PCDHGA1: variants seen among roughly 807,000 people sequenced by gnomAD.
PCDHGA1 encodes protocadherin gamma subfamily A, 1, also known as protocadherin gamma-A1.
In PCDHGA1, 32 loss-of-function variants were observed where a neutral mutation model predicts 58.0. That is an observed-to-expected ratio of 0.55 (90% CI 0.42 to 0.74). The LOEUF (loss-of-function observed/expected upper bound fraction) is 0.74. Among genes scored for constraint, PCDHGA1 ranks in the 30% least tolerant of loss-of-function variants. PCDHGA1 has a pLI of 0.00. For missense variants in PCDHGA1, 1,205 were observed against 1,182.3 expected (o/e 1.02, Z -0.28); for synonymous variants, 498 against 501.1 (o/e 0.99, Z 0.08).
At chr5:141,478,941 A>C (rs889484528) in intron 1 of PCDHGA1, 9 of 589,470 alleles carry the variant, frequency 1.5e-5, no homozygotes, top group Non-Finnish European at 2.0e-5. Context: ...TTCTAGGAAT[A>C]CAAAAACTAC....
intron 1 of PCDHGA1, chr5:141,377,686 C>T (rs766172227): frequency 1.1e-4 from 16 of 151,986 alleles, no homozygotes; most frequent in African/African-American, 2.9e-4. Context: ...AGATCTTTCA[C>T]CTTTACTACT....
intron 1 of PCDHGA1, chr5:141,356,437 G>C (rs1760223098): frequency 6.2e-7 from 1 of 1,611,268 alleles, no homozygotes; most frequent in Non-Finnish European, 8.5e-7. Context: ...ACTGGACAGG[G>C]AAGAAGTCTC....
intron 1 of PCDHGA1, chr5:141,414,906 A>C (rs749933537): frequency 6.2e-7 from 1 of 1,614,146 alleles, no homozygotes; most frequent in Admixed American, 1.7e-5. Context: ...ACGGTTCCAC[A>C]GGCGTGGAGC....
At chr5:141,333,344 G>T in intron 1 of PCDHGA1, 1 of 645,766 alleles carries the variant, frequency 1.5e-6, no homozygotes, top group East Asian at 2.8e-5. Context: ...TTGAAGGTAT[G>T]TGTGAGATGC....
At chr5:141,495,286 A>T (rs1341490472) in intron 2 of PCDHGA1, among the ~76,000 whole-genome samples, 2 of 152,088 alleles carry the variant, frequency 1.3e-5, no homozygotes, top group Non-Finnish European at 2.9e-5. Context: ...GGCGGTCCGC[A>T]CTCAGCGCCT....
At chr5:141,481,180 T>C (rs1354907506) in intron 1 of PCDHGA1, among the ~76,000 whole-genome samples, 1 of 152,236 alleles carries the variant, frequency 6.6e-6, no homozygotes, top group Admixed American at 6.5e-5. Flanking sequence ...CCAGCTTTAT[T>C]GGGCCAGGCC....
chr5:141,426,768 G>A (rs2096959269), intron 1 of PCDHGA1: 1 of 456,516 alleles, frequency 2.2e-6, no homozygotes, highest in Non-Finnish European at 4.4e-6. Flanking sequence ...TGCAGATGTA[G>A]GGCCTCACTC....
chr5:141,384,533 A>C, intron 1 of PCDHGA1: 2 of 1,614,240 alleles, frequency 1.2e-6, no homozygotes. Flanking sequence ...CTCAGCAGCA[A>C]CATGTCACTG....
At chr5:141,458,081 GTAAGT>G (rs2098936973) in intron 1 of PCDHGA1, among the ~76,000 whole-genome samples, 1 of 152,186 alleles carries the variant, frequency 6.6e-6, no homozygotes, top group Non-Finnish European at 1.5e-5. Context: ...CTATATTGCC[GTAAGT>G]TAAGAGTACT....
chr5:141,370,215 C>T (rs1430823989), intron 1 of PCDHGA1: 3 of 566,618 alleles, frequency 5.3e-6, no homozygotes, highest in East Asian at 5.9e-5. Flanking sequence ...TTGGCTCCTC[C>T]CGCTGCAGCC....
At chr5:141,414,699 C>T (rs2095778847) in intron 1 of PCDHGA1, 2 of 1,613,952 alleles carry the variant, frequency 1.2e-6, no homozygotes, top group Non-Finnish European at 1.7e-6. Context: ...TGTCCTCATA[C>T]ATATCCATCA....
chr5:141,490,612 C>G lies in PCDHGA1; in HGVS notation c.2422-4195C>G, dbSNP rs1393568166. ...CAATGCACCCCGCTTCAACCAGCAG[C>G]TTTACACTGCTTACATCCTAGAAAA... On this transcript the variant is annotated intron_variant, in intron 1 of 3. Coordinates refer to ENST00000517417, the MANE Select transcript of PCDHGA1 (RefSeq NM_018912.3). This position sits in a 1 kb window ranked among gnomAD's most constrained non-coding sequence, Gnocchi z 5.4. The G allele has an allele frequency of 6.2e-7, 1 of 1,614,082 alleles. No homozygotes were observed. Among genetic ancestry groups the G allele is most frequent in the Non-Finnish European group, 8.5e-7 (1 of 1,180,032 alleles).
At chr5:141,415,015 A>C (rs2095814085) in intron 1 of PCDHGA1, 1 of 1,613,598 alleles carries the variant, frequency 6.2e-7, no homozygotes, top group East Asian at 2.2e-5. Flanking sequence ...CCGTCTGCTC[A>C]AGGCCAGCGA....
chr5:141,438,627 T>TAC (rs2098030812), intron 1 of PCDHGA1, among the ~76,000 whole-genome samples: 3 of 48,012 alleles, frequency 6.2e-5, no homozygotes, highest in Non-Finnish European at 1.0e-4. Flanking sequence ...TATATATATA[T>TAC]ATATATATAC....
intron 1 of PCDHGA1, chr5:141,341,614 G>A: frequency 1.1e-6 from 1 of 919,268 alleles, no homozygotes; most frequent in Non-Finnish European, 1.6e-6. Context: ...TAAACCAGGA[G>A]TTAATAGATA....
At position 141,379,535 on chromosome 5, in the gene PCDHGA1, G is replaced by A. The variant is rs1035667412; in HGVS notation, c.2421+46430G>A. On this transcript the variant is annotated intron_variant, in intron 1 of 3. Coordinates refer to ENST00000517417, the MANE Select transcript of PCDHGA1 (RefSeq NM_018912.3). ...ACATCTTGAGCATTTGTTGTTATAGGGAAAGCTCACTAACTACTTTTCATG... is the reference window on the plus strand; with the variant it reads ...ACATCTTGAGCATTTGTTGTTATAGAGAAAGCTCACTAACTACTTTTCATG... 103 of 152,098 alleles carry A rather than the reference G, an allele frequency of 6.8e-4. 1 individual carries two copies. Among genetic ancestry groups the A allele is most frequent in the African/African-American group, 2.4e-3 (101 of 41,410 alleles). 9.4% of individuals were successfully genotyped at this position (152,098 alleles called of 1,614,324 possible).
At chr5:141,387,274 AT>A (rs2090884370) in intron 1 of PCDHGA1, among the ~76,000 whole-genome samples, 1 of 152,244 alleles carries the variant, frequency 6.6e-6, no homozygotes, top group South Asian at 2.1e-4. Context: ...GTTAGGAACA[AT>A]GAAAGAAAGA....
chr5:141,505,381 C>T lies in PCDHGA1; in HGVS notation c.2481-12C>T. On this transcript the variant is annotated splice_polypyrimidine_tract_variant and intron_variant, in intron 2 of 3. Transcript: ENST00000517417. Reference sequence around the variant, plus strand: ...CTGGGAGTCTGTGCTCACCATCCTACTCTCTCCCCAGCTCCCAAAATGGCG... The same window carrying T: ...CTGGGAGTCTGTGCTCACCATCCTATTCTCTCCCCAGCTCCCAAAATGGCG... 1 of 1,614,064 alleles carries T rather than the reference C, an allele frequency of 6.2e-7. No homozygotes were observed.
At chr5:141,446,822 A>G (rs976227044) in intron 1 of PCDHGA1, among the ~76,000 whole-genome samples, 1 of 152,206 alleles carries the variant, frequency 6.6e-6, no homozygotes, top group African/African-American at 2.4e-5. Flanking sequence ...TCAGATGGGT[A>G]GATCCTTATA....
Sources: allele counts gnomAD v4.1 joint callset (sites outside exome capture counted in the v4.1 genomes callset), GRCh38; gene constraint gnomAD v4.1.1; non-coding constraint Gnocchi (gnomAD v3.1); transcripts MANE v1.5; gene names NCBI Gene and HGNC (gene_info 2026-07-23, HGNC 2026-07-21).